WDR35: variants seen among roughly 807,000 people sequenced by gnomAD.
The protein encoded by WDR35 is WD repeat domain 35.
In WDR35, 118 loss-of-function variants were observed where a neutral mutation model predicts 158.3. The ratio of observed to expected loss-of-function variants is 0.75; its 90% CI spans 0.64 to 0.87. The LOEUF (loss-of-function observed/expected upper bound fraction) is 0.87. Ranked by LOEUF, WDR35 falls within the 40% of genes least tolerant of loss-of-function variation. The probability of loss-of-function intolerance (pLI) is 0.00; values close to 1 mark genes in which losing one functional copy is unlikely to be tolerated. For missense variants in WDR35, 1,263 were observed against 1,405.8 expected (o/e 0.90, Z 1.62); for synonymous variants, 448 against 476.1 (o/e 0.94, Z 0.77).
chr2:19,942,509 C>G (rs957297905), intron 16 of WDR35, among the ~76,000 whole-genome samples: 1 of 151,342 alleles, frequency 6.6e-6, no homozygotes, highest in Admixed American at 6.6e-5. Flanking sequence ...TATAAAGTAG[C>G]TGCCCTAGAT....
In WDR35 at chr2:19,973,704, G is replaced by A. The variant is rs766515427; in HGVS notation, c.741C>T (p.Pro247=). Residue 247 remains proline (P), a synonymous_variant, in exon 8 of 27, where the codon CCC becomes CCT. Transcript: ENST00000281405. ...CGTACATGCCAGTGTCAATCAAAAC[G>A]GGATCTAGTCAGAAAGAGAAAAATG... ...QIMRHENDQN[P]VLIDTGMYVV... is the part of the protein sequence containing the mutation. 2.0e-5 allele frequency: 32 copies of A among 1,613,104 alleles called. No homozygotes were observed. Among genetic ancestry groups the A allele is most frequent in the East Asian group, 1.3e-4 (6 of 44,844 alleles).
rs1026141523 is a variant in WDR35 at position 19,983,856 on chromosome 2, G to A, written c.143-1322C>T. 2.6e-5 allele frequency among the ~76,000 whole-genome samples: 4 copies of A among 152,012 alleles called. No homozygotes were observed. The East Asian group carries it at 7.7e-4, about 29-fold the overall frequency. On this transcript the variant is annotated intron_variant, in intron 2 of 26. Transcript: ENST00000281405. ...ATGTTGCTGACACACACATTAGGCT[G>A]AACATAATTTTTTTTAACACAGGGT...
At chr2:19,917,709 G>T (rs1389119092) in intron 25 of WDR35, among the ~76,000 whole-genome samples, 1 of 152,184 alleles carries the variant, frequency 6.6e-6, no homozygotes, top group African/African-American at 2.4e-5. Context: ...AGAGTGAAAA[G>T]AAATGAACAA....
intron 20 of WDR35, among the ~76,000 whole-genome samples, chr2:19,935,969 A>G (rs1670679366): frequency 6.6e-6 from 1 of 152,212 alleles, no homozygotes; most frequent in Non-Finnish European, 1.5e-5. Flanking sequence ...TTAGAATTAT[A>G]TACTGTAGGC....
chr2:19,966,266 A>G (rs557000940), intron 10 of WDR35, among the ~76,000 whole-genome samples: 8 of 152,284 alleles, frequency 5.3e-5, no homozygotes, highest in Non-Finnish European at 1.0e-4. Flanking sequence ...ACATATTTAT[A>G]TTATTTATGT....
chr2:19,943,918 A>G (rs1291807229), intron 16 of WDR35, among the ~76,000 whole-genome samples: 3 of 152,158 alleles, frequency 2.0e-5, no homozygotes, highest in Non-Finnish European at 4.4e-5. Flanking sequence ...GTATGAATCT[A>G]GAATTCTTAA....
chr2:19,931,025 T>C (rs1424277045), intron 24 of WDR35, among the ~76,000 whole-genome samples: 1 of 152,150 alleles, frequency 6.6e-6, no homozygotes, highest in Non-Finnish European at 1.5e-5. Context: ...TTTTAACAAA[T>C]AAGACATTAA....
intron 14 of WDR35, 143 bp from the exon 15 acceptor site, chr2:19,946,713 C>A: frequency 2.7e-6 from 2 of 731,868 alleles, no homozygotes; most frequent in Non-Finnish European, 4.7e-6. Flanking sequence ...TGAATCATGT[C>A]CTTAAGTACA....
intron 25 of WDR35, among the ~76,000 whole-genome samples, chr2:19,927,198 G>T (rs1351120332): frequency 6.6e-6 from 1 of 152,200 alleles, no homozygotes; most frequent in Non-Finnish European, 1.5e-5. Flanking sequence ...ATGCCTAGAT[G>T]TAATCACTCT....
At chr2:19,942,247 A>G (rs748535581) in intron 16 of WDR35, among the ~76,000 whole-genome samples, 1 of 152,196 alleles carries the variant, frequency 6.6e-6, no homozygotes, top group Non-Finnish European at 1.5e-5. Flanking sequence ...AATTCATGCA[A>G]TTCAATATTA....
intron 11 of WDR35, among the ~76,000 whole-genome samples, chr2:19,956,740 C>T (rs1385398442): frequency 6.6e-6 from 1 of 151,514 alleles, no homozygotes; most frequent in Non-Finnish European, 1.5e-5. Flanking sequence ...CCTGCCTCAG[C>T]CTCCAGTGTA....
chr2:19,969,179 T>C (rs1671954768), intron 9 of WDR35, among the ~76,000 whole-genome samples: 1 of 152,222 alleles, frequency 6.6e-6, no homozygotes, highest in Admixed American at 6.5e-5. Flanking sequence ...CTTTGGGTGG[T>C]ACTTTTTATC....
At chr2:19,987,655 C>T (rs1015405580) in intron 2 of WDR35, among the ~76,000 whole-genome samples, 1 of 151,594 alleles carries the variant, frequency 6.6e-6, no homozygotes, top group Non-Finnish European at 1.5e-5. Context: ...AACCCTGTCT[C>T]TACTAAAAAT....
At chr2:19,947,775 A>G (rs1671104294) in intron 14 of WDR35, among the ~76,000 whole-genome samples, 1 of 151,320 alleles carries the variant, frequency 6.6e-6, no homozygotes, top group Non-Finnish European at 1.5e-5. Context: ...GGCTCATTCC[A>G]CTCAGTGTTA....
At chr2:19,919,651 AC>A (rs1393068128) in intron 25 of WDR35, among the ~76,000 whole-genome samples, 6 of 152,228 alleles carry the variant, frequency 3.9e-5, no homozygotes, top group Admixed American at 2.6e-4. Flanking sequence ...TAAAATCAAC[AC>A]CCTAACATCA....
Position 19,937,491 on chromosome 2 carries a change from C to T in WDR35, c.2267+252G>A, listed in dbSNP as rs1433974220. ...AGTCTCTGTTGTTCTATCATTTTTT[C>T]CCATCAAATGAAAAAAAAACCTCCC... On this transcript the variant is annotated intron_variant, in intron 19 of 26. Transcript: ENST00000281405. 2.0e-5 allele frequency among the ~76,000 whole-genome samples: 3 copies of T among 151,566 alleles called. No individual in the cohort carries two copies. The East Asian group carries it at 5.8e-4, about 29-fold the overall frequency.
At chr2:19,976,389 G>A (rs1672211957) in intron 5 of WDR35, among the ~76,000 whole-genome samples, 1 of 151,936 alleles carries the variant, frequency 6.6e-6, no homozygotes, top group South Asian at 2.1e-4. Context: ...CTCCCAATCT[G>A]GCTTCTGCCC....
At chr2:19,931,584 T>C (rs1399468337) in intron 23 of WDR35, among the ~76,000 whole-genome samples, 175 bp from the exon 24 acceptor site, 1 of 152,182 alleles carries the variant, frequency 6.6e-6, no homozygotes, top group Non-Finnish European at 1.5e-5. Flanking sequence ...TTTTCATTAG[T>C]ACCTATTCGT....
intron 25 of WDR35, among the ~76,000 whole-genome samples, chr2:19,916,742 T>C (rs1272523545): frequency 1.3e-5 from 2 of 152,090 alleles, no homozygotes; most frequent in Admixed American, 6.5e-5. Flanking sequence ...GACTTATAGA[T>C]AAAACTTCCA....
Sources: allele counts gnomAD v4.1 joint callset (sites outside exome capture counted in the v4.1 genomes callset), GRCh38; gene constraint gnomAD v4.1.1; transcripts MANE v1.5; gene names NCBI Gene and HGNC (gene_info 2026-07-23, HGNC 2026-07-21).